The following DLC1 variants were observed in gnomAD, a reference collection of about 807,000 sequenced individuals.
DLC1 encodes the protein rho GTPase-activating protein 7.
A neutral mutation model predicts 140.3 loss-of-function variants in DLC1; 54 were observed. That is an observed-to-expected ratio of 0.38 (90% CI 0.31 to 0.48). The LOEUF (loss-of-function observed/expected upper bound fraction) is 0.48. Ranked by LOEUF, DLC1 falls within the 20% of genes least tolerant of loss-of-function variation. The pLI is 0.96. For missense variants in DLC1, 2,536 were observed against 1,907.0 expected (o/e 1.33, Z -6.14); for synonymous variants, 986 against 728.1 (o/e 1.35, Z -5.70).
At chr8:13,403,993 C>A (rs1034709705) in intron 2 of DLC1, among the ~76,000 whole-genome samples, 1 of 151,958 alleles carries the variant, frequency 6.6e-6, no homozygotes, top group African/African-American at 2.4e-5. Context: ...TACTTTCCAT[C>A]CAGTAATGCC....
intron 1 of DLC1, among the ~76,000 whole-genome samples, chr8:13,533,858 T>G (rs1460161555): frequency 1.3e-5 from 2 of 152,274 alleles, no homozygotes; most frequent in African/African-American, 4.8e-5. Flanking sequence ...TTTCTTGCTC[T>G]CTCTCTTTCC....
intron 5 of DLC1, among the ~76,000 whole-genome samples, chr8:13,298,153 G>C (rs867915234): frequency 1.3e-5 from 2 of 152,102 alleles, no homozygotes; most frequent in South Asian, 4.1e-4. Flanking sequence ...AGAATTTCAG[G>C]CTATAATTAT....
At chr8:13,106,792 G>A (rs1237559261) in intron 7 of DLC1, among the ~76,000 whole-genome samples, 1 of 152,180 alleles carries the variant, frequency 6.6e-6, no homozygotes, top group Non-Finnish European at 1.5e-5. Context: ...TTATACAACT[G>A]TCACTTGATG....
chr8:13,322,802 A>C (rs1671392), intron 4 of DLC1, among the ~76,000 whole-genome samples: 2 of 152,104 alleles, frequency 1.3e-5, no homozygotes, highest in Non-Finnish European at 2.9e-5. Context: ...TGTGTCCACA[A>C]ATTCTTTAAC....
intron 5 of DLC1, among the ~76,000 whole-genome samples, chr8:13,250,434 A>G (rs1294307374): frequency 6.6e-6 from 1 of 152,182 alleles, no homozygotes; most frequent in Non-Finnish European, 1.5e-5. Flanking sequence ...TCCTAGACTG[A>G]TAAAATTTAT....
chr8:13,299,371 C>T (rs1832090764), intron 5 of DLC1, among the ~76,000 whole-genome samples: 1 of 151,244 alleles, frequency 6.6e-6, no homozygotes, highest in African/African-American at 2.4e-5. Context: ...TTGCATGAAC[C>T]CAGGAGTTGG....
chr8:13,502,410 G>A (rs1376180385), intron 1 of DLC1, among the ~76,000 whole-genome samples: 1 of 151,570 alleles, frequency 6.6e-6, no homozygotes, highest in Non-Finnish European at 1.5e-5. Flanking sequence ...TATTACATTT[G>A]GCATCTTCAT....
intron 1 of DLC1, among the ~76,000 whole-genome samples, chr8:13,508,129 G>A (rs933747520): frequency 6.6e-6 from 1 of 152,188 alleles, no homozygotes; most frequent in African/African-American, 2.4e-5. Context: ...TTTACGTCCA[G>A]GTTGCTGCTA....
intron 5 of DLC1, among the ~76,000 whole-genome samples, chr8:13,218,804 AATTAT>A (rs1482139654): frequency 7.1e-6 from 1 of 141,442 alleles, no homozygotes; most frequent in African/African-American, 2.6e-5. Context: ...TATATATCAT[AATTAT>A]ATTCATAATT....
intron 2 of DLC1, among the ~76,000 whole-genome samples, chr8:13,433,505 A>G (rs1838980301): frequency 6.6e-6 from 1 of 152,236 alleles, no homozygotes; most frequent in Admixed American, 6.5e-5. Context: ...TTTCCAATTA[A>G]TGGTCAGTCA....
At chr8:13,168,359 T>C (rs890602574) in intron 5 of DLC1, among the ~76,000 whole-genome samples, 2 of 152,204 alleles carry the variant, frequency 1.3e-5, no homozygotes, top group African/African-American at 2.4e-5. Flanking sequence ...TGTATCTAGA[T>C]CTCGTTCCAG....
intron 5 of DLC1, among the ~76,000 whole-genome samples, chr8:13,187,365 T>C (rs1159839455): frequency 3.3e-5 from 5 of 152,190 alleles, no homozygotes; most frequent in African/African-American, 9.6e-5. Context: ...ATGAAGGATC[T>C]TTAACCTCCC....
chr8:13,360,838 C>T (rs1240788222), intron 4 of DLC1, among the ~76,000 whole-genome samples: 2 of 151,730 alleles, frequency 1.3e-5, no homozygotes, highest in Non-Finnish European at 2.9e-5. Flanking sequence ...TCTTTCAATG[C>T]TAATTGTTTT....
rs577671357 is a variant in DLC1, at chr8:13,223,563, T to G, written c.1348+81706A>C. Among the ~76,000 whole-genome samples the G allele has an allele frequency of 3.9e-5, 6 of 152,340 alleles. No homozygotes were observed. The South Asian group carries it at 6.2e-4, about 16-fold the overall frequency. Reference sequence around the variant, plus strand: ...AGAACACATAAAACTCACCTTAGTTTAACTTAATGTTCCAAAACAAACTAT... The same window carrying G: ...AGAACACATAAAACTCACCTTAGTTGAACTTAATGTTCCAAAACAAACTAT... On this transcript the variant is annotated intron_variant, in intron 5 of 17. Coordinates refer to ENST00000276297, the MANE Select transcript of DLC1 (RefSeq NM_182643.3).
At chr8:13,581,052 G>C (rs908717865) in intron 1 of DLC1, among the ~76,000 whole-genome samples, 9 of 152,272 alleles carry the variant, frequency 5.9e-5, no homozygotes, top group Non-Finnish European at 8.8e-5. Context: ...AAAGTTGTCA[G>C]TAGTCAAACA....
At chr8:13,142,060 T>C (rs1055748109) in intron 5 of DLC1, among the ~76,000 whole-genome samples, 3 of 152,202 alleles carry the variant, frequency 2.0e-5, no homozygotes, top group African/African-American at 7.2e-5. Context: ...CTGATGGTTT[T>C]ATAAATGGTA....
intron 1 of DLC1, among the ~76,000 whole-genome samples, chr8:13,573,024 T>C (rs369381270): frequency 2.0e-4 from 31 of 152,306 alleles, no homozygotes; most frequent in African/African-American, 5.8e-4. Flanking sequence ...CATTGGACTT[T>C]TGATAGGGAT....
At chr8:13,350,740 T>G (rs987653182) in intron 4 of DLC1, among the ~76,000 whole-genome samples, 1 of 150,868 alleles carries the variant, frequency 6.6e-6, no homozygotes, top group Non-Finnish European at 1.5e-5. Context: ...TAAATAAATA[T>G]AAAGAGAAAC....
At chr8:13,588,498 C>T (rs1805408406) in intron 1 of DLC1, among the ~76,000 whole-genome samples, 1 of 152,058 alleles carries the variant, frequency 6.6e-6, no homozygotes, top group Non-Finnish European at 1.5e-5. Context: ...TCATCCAACA[C>T]TGAATATAAA....
Sources: gnomAD v4.1 joint callset for allele counts (sites outside exome capture counted in the v4.1 genomes callset) on GRCh38, gnomAD v4.1.1 for gene constraint, MANE v1.5 for transcripts, NCBI Gene and HGNC (gene_info 2026-07-23, HGNC 2026-07-21) for gene names.